Variants in CFAP99 observed in about 807,000 individuals in gnomAD.
CFAP99 encodes the protein cilia and flagella associated protein 99.
Under a neutral mutation model 82.7 loss-of-function variants are expected in CFAP99, and 84 were observed. The ratio of observed to expected loss-of-function variants is 1.02; its 90% CI spans 0.85 to 1.22. The LOEUF (loss-of-function observed/expected upper bound fraction) is 1.22. Ranked by LOEUF, CFAP99 falls within the 50% of genes most tolerant of loss-of-function variation. The pLI is 0.00. For synonymous variants in CFAP99, 456 were observed against 429.5 expected, an observed-to-expected ratio of 1.06 and a Z score of -0.76; for missense variants, 1,059 against 983.5, an observed-to-expected ratio of 1.08 and a Z score of -1.03.
intron 4 of CFAP99, among the ~76,000 whole-genome samples, chr4:2,439,360 G>A (rs1733985890): frequency 6.6e-6 from 1 of 152,180 alleles, no homozygotes; most frequent in Non-Finnish European, 1.5e-5. Context: ...GCCAAGGAGA[G>A]CCACTCCCTG....
At chr4:2,453,900 G>A (rs902416204) in intron 11 of CFAP99, among the ~76,000 whole-genome samples, 4 of 149,548 alleles carry the variant, frequency 2.7e-5, no homozygotes, top group East Asian at 2.0e-4. Context: ...TGCAACTTCC[G>A]CCTCCCGGGT....
At chr4:2,426,435 G>A (rs961106918) in intron 1 of CFAP99, 24 bp from the exon 2 acceptor site, 22 of 1,436,504 alleles carry the variant, frequency 1.5e-5, no homozygotes, top group African/African-American at 4.2e-5. Flanking sequence ...TGTGGAGGGC[G>A]TGACCTGCAC....
intron 1 of CFAP99, among the ~76,000 whole-genome samples, chr4:2,425,763 C>G (rs1733669419): frequency 6.6e-6 from 1 of 152,130 alleles, no homozygotes; most frequent in South Asian, 2.1e-4. Context: ...GAGCTGGTTC[C>G]CAGGGTCCCA....
chr4:2,458,637 C>G, intron 11 of CFAP99, 86 bp from the exon 12 acceptor site: 2 of 1,458,140 alleles, frequency 1.4e-6, no homozygotes, highest in Non-Finnish European at 9.1e-7. Flanking sequence ...ACCTTCAGAC[C>G]TCATGCTGCG....
At position 2,448,887 on chromosome 4, in the gene CFAP99, G is replaced by T. The variant is rs1409197950; in HGVS notation, c.643-783G>T. Among the ~76,000 whole-genome samples the T allele has an allele frequency of 1.3e-5, 2 of 152,242 alleles. No homozygotes were observed. Among genetic ancestry groups the T allele is most frequent in the Non-Finnish European group, 2.9e-5 (2 of 68,044 alleles). Reference sequence around the variant, plus strand: ...CAGTGAGAGGCAGTTCCTGGAGATGGCTTGAAGCAGGTGGGCAGGAGATGG... The same window carrying T: ...CAGTGAGAGGCAGTTCCTGGAGATGTCTTGAAGCAGGTGGGCAGGAGATGG... On this transcript the variant is annotated intron_variant, in intron 6 of 14. Transcript: ENST00000635017. The surrounding 1 kb of genome is among the most constrained non-coding windows in gnomAD (Gnocchi z 5.2).
chr4:2,462,418 CT>C lies in CFAP99; in HGVS notation c.1662-24del. 7.1e-7 allele frequency: 1 copy of C among 1,409,752 alleles called. No homozygotes were observed. The highest frequency in any genetic ancestry group is 9.1e-7 in the Non-Finnish European group (1 of 1,095,318). 87.3% of individuals were successfully genotyped at this position (1,409,752 alleles called of 1,614,324 possible). On this transcript the variant is annotated intron_variant, in intron 14 of 14. Transcript: ENST00000635017. This position sits in a 1 kb window ranked among gnomAD's most constrained non-coding sequence, Gnocchi z 4.1. ...GCCTGGGCCTCCCGCCGGCCTGCTC[CT>C]GAGCCCGCCGCGTCGCCCGCCAGGT...
At chr4:2,461,840 T>G (rs1047377031) in intron 14 of CFAP99, among the ~76,000 whole-genome samples, 1 of 152,098 alleles carries the variant, frequency 6.6e-6, no homozygotes, top group Non-Finnish European at 1.5e-5. Flanking sequence ...TGCAGGTACC[T>G]GTGGAGATGC....
At position 2,462,169 on chromosome 4, in the gene CFAP99, AAAC is replaced by A. The variant is rs753734041; in HGVS notation, c.1662-262_1662-260del. On this transcript the variant is annotated intron_variant, in intron 14 of 14. Transcript: ENST00000635017. The surrounding 1 kb of genome is among the most constrained non-coding windows in gnomAD (Gnocchi z 4.1). The stretch of plus-strand genomic sequence containing the variant: ...GAGACCCTGCCTCAAACAAACAAAC[AAAC>A]AACAACAACAAAAATTAAAGAAAAG... The A allele has an allele frequency of 6.8e-5, 21 of 308,406 alleles. No homozygotes were observed. Among genetic ancestry groups the A allele is most frequent in the Non-Finnish European group, 9.5e-5 (16 of 169,256 alleles). The allele number at this position is 308,406 out of a possible 1,614,324, so 19.1% of individuals were successfully genotyped here.
chr4:2,458,596 C>G, intron 11 of CFAP99, 127 bp from the exon 12 acceptor site: 1 of 1,251,672 alleles, frequency 8.0e-7, no homozygotes, highest in Non-Finnish European at 1.1e-6. Context: ...GACCTGGGTT[C>G]TGGGGTGATT....
At position 2,448,600 on chromosome 4, in the gene CFAP99, GAAGTGAGC is replaced by G. The variant is rs1734222022; in HGVS notation, c.643-1065_643-1058del. ...AGAAATGCCATGGAGTAAAAAACCA[GAAGTGAGC>G]AAGTCGGCCATGGGGTGTCTCAGAG... On this transcript the variant is annotated intron_variant, in intron 6 of 14. Coordinates refer to ENST00000635017, the Ensembl canonical transcript of CFAP99. This position sits in a 1 kb window ranked among gnomAD's most constrained non-coding sequence, Gnocchi z 5.2. Among the ~76,000 whole-genome samples, 1 of 152,260 alleles carries G rather than the reference GAAGTGAGC, an allele frequency of 6.6e-6. No individual in the cohort carries two copies. Among genetic ancestry groups the G allele is most frequent in the South Asian group, 2.1e-4 (1 of 4,832 alleles).
exon 9 of CFAP99, chr4:2,450,951 C>G: frequency 6.5e-7 from 1 of 1,535,946 alleles, no homozygotes; most frequent in Non-Finnish European, 8.7e-7. Context: ...CTGCAGGGCT[C>G]CAAGCAGCAG....
chr4:2,444,584 G>C (rs1279408543), intron 5 of CFAP99, among the ~76,000 whole-genome samples: 2 of 152,122 alleles, frequency 1.3e-5, no homozygotes, highest in Non-Finnish European at 2.9e-5. Flanking sequence ...CCCCACACTC[G>C]GGCGGCCTGG....
intron 11 of CFAP99, among the ~76,000 whole-genome samples, chr4:2,453,430 C>T (rs751458498): frequency 1.6e-4 from 25 of 152,122 alleles, no homozygotes; most frequent in Admixed American, 3.3e-4. Context: ...GTTTGGGACG[C>T]GTGGTTTTAC....
At chr4:2,451,108 GCTGGGGGAC>G in intron 9 of CFAP99, 90 bp downstream of exon 9, 2 of 1,469,396 alleles carry the variant, frequency 1.4e-6, no homozygotes, top group Non-Finnish European at 1.8e-6. Flanking sequence ...GATGACCTGA[GCTGGGGGAC>G]CTAGAGTCCC....
At chr4:2,436,182 T>A (rs1422677476) in intron 2 of CFAP99, among the ~76,000 whole-genome samples, 1 of 152,096 alleles carries the variant, frequency 6.6e-6, no homozygotes, top group African/African-American at 2.4e-5. Context: ...ATGAGATTCC[T>A]TCTGCTTTGT....
intron 1 of CFAP99, among the ~76,000 whole-genome samples, chr4:2,419,295 C>A (rs577628068): frequency 6.6e-6 from 1 of 152,110 alleles, no homozygotes; most frequent in East Asian, 1.9e-4. Flanking sequence ...AGATACTCTT[C>A]CGCCCTCGCT....
intron 6 of CFAP99, among the ~76,000 whole-genome samples, chr4:2,445,648 G>A (rs572491285): frequency 1.1e-4 from 17 of 152,262 alleles, no homozygotes; most frequent in South Asian, 8.3e-4. Flanking sequence ...CCCCCTCCCC[G>A]TTAAGTATGA....
chr4:2,421,239 G>T (rs1733577825), intron 1 of CFAP99, among the ~76,000 whole-genome samples: 1 of 152,004 alleles, frequency 6.6e-6, no homozygotes, highest in Non-Finnish European at 1.5e-5. Flanking sequence ...TCTCCTAGTG[G>T]TTGAGAGTGT....
At chr4:2,440,803 C>G (rs1018513054) in intron 4 of CFAP99, among the ~76,000 whole-genome samples, 5 of 151,722 alleles carry the variant, frequency 3.3e-5, no homozygotes, top group Non-Finnish European at 7.4e-5. Context: ...ACCATGTTAG[C>G]CAGGATGGTC....
Sources: allele counts gnomAD v4.1 joint callset (sites outside exome capture counted in the v4.1 genomes callset), GRCh38; gene constraint gnomAD v4.1.1; non-coding constraint Gnocchi (gnomAD v3.1); transcripts MANE v1.5; gene names NCBI Gene and HGNC (gene_info 2026-07-23, HGNC 2026-07-21).